SERF2: variants seen among roughly 807,000 people sequenced by gnomAD.
The protein encoded by SERF2 is gastric cancer-related protein VRG107.
A neutral mutation model predicts 10.7 loss-of-function variants in SERF2; 4 were observed. The ratio of observed to expected loss-of-function variants is 0.37; its 90% confidence interval spans 0.18 to 0.86. The LOEUF (loss-of-function observed/expected upper bound fraction) is 0.86. Among genes scored for constraint, SERF2 ranks in the 40% least tolerant of loss-of-function variants. The pLI is 0.43. For synonymous variants in SERF2, 26 were observed against 26.0 expected (o/e 1.00, Z 0.01); for missense variants, 47 against 79.1 (o/e 0.59, Z 1.54).
Position 43,783,831 on chromosome 15 carries a change from G to A in SERF2, c.-526-1579G>A, listed in dbSNP as rs1194427028. Among the ~76,000 whole-genome samples, 4 of 150,082 alleles carry A rather than the reference G, an allele frequency of 2.7e-5. No individual in the cohort carries two copies. In the South Asian group the frequency reaches 8.4e-4, roughly 32 times the overall value. ...GGCTGGAGTGTGGTGACGTGATCTTGGCTCACTGAAACCTCCACCTCTGGG... is the reference window on the plus strand; with the variant it reads ...GGCTGGAGTGTGGTGACGTGATCTTAGCTCACTGAAACCTCCACCTCTGGG... On this transcript the variant is annotated intron_variant, in intron 1 of 4. Coordinates refer to the SERF2 transcript ENST00000381359.
At chr15:43,792,625 C>T (rs1175876646) in intron 1 of SERF2, 2 of 1,426,562 alleles carry the variant, frequency 1.4e-6, no homozygotes, top group Non-Finnish European at 1.8e-6. Context: ...AGGAGAAGGC[C>T]AGCGCCCCTG....
chr15:43,792,792 C>T (rs1596039977), intron 1 of SERF2, 183 bp from the exon 2 acceptor site: 21 of 686,958 alleles, frequency 3.1e-5, no homozygotes, highest in Non-Finnish European at 4.5e-5. Context: ...CGTATTTTGA[C>T]CTGGCCCGTG....
At chr15:43,784,839 A>G (rs1394531902) in intron 1 of SERF2, among the ~76,000 whole-genome samples, 1 of 143,410 alleles carries the variant, frequency 7.0e-6, no homozygotes, top group Non-Finnish European at 1.5e-5. Context: ...TGCAACCTCC[A>G]CCTACCGGGT....
At chr15:43,793,274 G>T in intron 2 of SERF2, 191 bp downstream of exon 2, 1 of 577,514 alleles carries the variant, frequency 1.7e-6, no homozygotes, top group Non-Finnish European at 3.1e-6. Flanking sequence ...GGAAAGGACG[G>T]GGGCGGGCGC....
In SERF2 at chr15:43,795,271, T is replaced by A; in HGVS notation, c.*1498T>A. 1 of 1,595,396 alleles carries A rather than the reference T, an allele frequency of 6.3e-7. No homozygotes were observed. The highest frequency in any genetic ancestry group is 1.1e-5 in the South Asian group (1 of 90,614). ...GAAGGGCCTTAGCTTTTAGACCTGT[T>A]CTACCTCCTCACCAAATATAATGGC... On this transcript the variant is annotated 3_prime_UTR_variant, in exon 3 of 3. Coordinates refer to ENST00000249786, the MANE Select transcript of SERF2 (RefSeq NM_001018108.4).
chr15:43,794,499 C>T lies in SERF2; in HGVS notation c.*726C>T. On this transcript the variant is annotated 3_prime_UTR_variant, in exon 3 of 3. Coordinates refer to ENST00000249786, the MANE Select transcript of SERF2 (RefSeq NM_001018108.4). ...ATGGAATGAGGGTGGTTTTGTCTTC[C>T]CGCTTCCCTTGACCTCAAAATCAGG... is the stretch of plus-strand genomic sequence containing the variant. 6.2e-6 allele frequency: 1 copy of T among 160,742 alleles called. No individual in the cohort carries two copies. The highest frequency in any genetic ancestry group is 1.4e-5 in the Non-Finnish European group (1 of 72,540). 10.0% of individuals were successfully genotyped at this position (160,742 alleles called of 1,614,324 possible).
intron 1 of SERF2, among the ~76,000 whole-genome samples, chr15:43,778,688 T>C (rs2086942511): frequency 7.0e-6 from 1 of 141,958 alleles, no homozygotes; most frequent in Non-Finnish European, 1.5e-5. Context: ...TTACCTGAGC[T>C]CAGGAGTTCG....
chr15:43,783,927 ATTTTTTTTTT>A (rs71111825), intron 1 of SERF2, among the ~76,000 whole-genome samples: 57 of 48,152 alleles, frequency 1.2e-3, no homozygotes, highest in East Asian at 7.3e-3. Context: ...ACGCCCAGCT[ATTTTTTTTTT>A]TTTTTTTTTT....
chr15:43,788,043 T>G (rs937378640), upstream of SERF2, among the ~76,000 whole-genome samples: 1 of 151,784 alleles, frequency 6.6e-6, no homozygotes, highest in Admixed American at 6.6e-5. Flanking sequence ...CCTGGCTAAT[T>G]TTTGTATTTT....
intron 1 of SERF2, among the ~76,000 whole-genome samples, chr15:43,779,548 G>A (rs1056245109): frequency 6.6e-6 from 1 of 152,002 alleles, no homozygotes; most frequent in African/African-American, 2.4e-5. Flanking sequence ...CTGGAGTGCA[G>A]TGGCACAATC....
At chr15:43,791,827 T>G (rs1025051707), upstream of SERF2, 15 of 157,452 alleles carry the variant, frequency 9.5e-5, no homozygotes, top group South Asian at 3.3e-4. Context: ...GAAGTTGTGT[T>G]TGTACTTGAT....
At chr15:43,793,118 A>T in intron 2 of SERF2, 35 bp downstream of exon 2, 1 of 1,410,312 alleles carries the variant, frequency 7.1e-7, no homozygotes, top group Non-Finnish European at 1.0e-6. Flanking sequence ...GGGACGGTGG[A>T]GACCTGGGTT....
Position 43,794,302 on chromosome 15 carries a change from T to C in SERF2, c.*529T>C, listed in dbSNP as rs1464949453. 1 of 256,918 alleles carries C rather than the reference T, an allele frequency of 3.9e-6. No individual in the cohort carries two copies. The highest frequency in any genetic ancestry group is 2.2e-5 in the African/African-American group (1 of 44,976). The allele number at this position is 256,918 out of a possible 1,614,324, so 15.9% of individuals were successfully genotyped here. ...GTTCCCCACCCTTGAACACCATCTC[T>C]AGGATGGAGTTGGCCTAAGAGTGAA... On this transcript the variant is annotated 3_prime_UTR_variant, in exon 3 of 3. Coordinates refer to ENST00000249786, the MANE Select transcript of SERF2 (RefSeq NM_001018108.4).
chr15:43,789,015 G>A (rs1236397976), upstream of SERF2, among the ~76,000 whole-genome samples: 1 of 151,952 alleles, frequency 6.6e-6, no homozygotes, highest in African/African-American at 2.4e-5. Context: ...CGGGCGTAGT[G>A]GCGGGCGCCT....
chr15:43,781,115 T>C, intron 1 of SERF2, among the ~76,000 whole-genome samples: 1 of 152,182 alleles, frequency 6.6e-6, no homozygotes, highest in Middle Eastern at 3.2e-3. Context: ...CTCTGATAAC[T>C]GAGATGGCTA....
At chr15:43,781,341 G>A (rs1447344307) in intron 1 of SERF2, among the ~76,000 whole-genome samples, 1 of 152,088 alleles carries the variant, frequency 6.6e-6, no homozygotes, top group Non-Finnish European at 1.5e-5. Flanking sequence ...GACCATTTGA[G>A]GTCAGGAGTT....
chr15:43,780,863 A>G (rs1377656405), intron 1 of SERF2, among the ~76,000 whole-genome samples: 1 of 152,198 alleles, frequency 6.6e-6, no homozygotes, highest in Non-Finnish European at 1.5e-5. Flanking sequence ...CAAAACTGGC[A>G]TGAGTTTTTC....
chr15:43,778,666 G>A (rs896281301), intron 1 of SERF2, among the ~76,000 whole-genome samples: 3 of 147,760 alleles, frequency 2.0e-5, no homozygotes, highest in Non-Finnish European at 4.5e-5. Flanking sequence ...TTGGGAGGCT[G>A]AGGCAGGTGG....
upstream of SERF2, among the ~76,000 whole-genome samples, chr15:43,789,935 G>A (rs1282523752): frequency 6.6e-6 from 1 of 152,126 alleles, no homozygotes; most frequent in African/African-American, 2.4e-5. Flanking sequence ...GAGGTCAGGA[G>A]TTTGAGACCA....
Sources: gnomAD v4.1 joint callset for allele counts (sites outside exome capture counted in the v4.1 genomes callset) on GRCh38, gnomAD v4.1.1 for gene constraint, MANE v1.5 for transcripts, NCBI Gene and HGNC (gene_info 2026-07-23, HGNC 2026-07-21) for gene names.